The following GALNT17 variants were observed in gnomAD, a reference collection of about 807,000 sequenced individuals.
GALNT17 encodes the protein polypeptide N-acetylgalactosaminyltransferase 17.
Under a neutral mutation model 63.7 loss-of-function variants are expected in GALNT17, and 29 were observed. The observed-to-expected ratio is 0.46, with a 90% CI of 0.34 to 0.62. The LOEUF (loss-of-function observed/expected upper bound fraction) is 0.62, where lower values mean the gene tolerates loss of function less well. Ranked by LOEUF, GALNT17 falls within the 20% of genes least tolerant of loss-of-function variation. GALNT17 has a pLI of 0.01. For missense variants in GALNT17, 603 were observed against 799.6 expected, an observed-to-expected ratio of 0.75 and a Z score of 2.97; for synonymous variants, 305 against 318.3, an observed-to-expected ratio of 0.96 and a Z score of 0.45.
intron 1 of GALNT17, among the ~76,000 whole-genome samples, chr7:71,297,325 C>T (rs1791100388): frequency 1.3e-5 from 2 of 152,120 alleles, no homozygotes; most frequent in African/African-American, 4.8e-5. Context: ...GGTGGATCAC[C>T]TGAGGTCTAG....
chr7:71,486,081 A>G (rs1420828462), intron 5 of GALNT17, among the ~76,000 whole-genome samples: 1 of 152,050 alleles, frequency 6.6e-6, no homozygotes, highest in African/African-American at 2.4e-5. Flanking sequence ...TAATCCCAGC[A>G]CTTTGGGAGA....
chr7:71,224,159 A>G (rs1163904926), intron 1 of GALNT17, among the ~76,000 whole-genome samples: 1 of 152,004 alleles, frequency 6.6e-6, no homozygotes. Flanking sequence ...GGTTCAAGTG[A>G]TTCTCCTGCC....
At chr7:71,664,035 G>GTTT in intron 6 of GALNT17, among the ~76,000 whole-genome samples, 1 of 142,556 alleles carries the variant, frequency 7.0e-6, no homozygotes, top group African/African-American at 2.6e-5. Context: ...TTACAATAAG[G>GTTT]TTTTTTTTTT....
At chr7:71,570,515 C>G (rs1737589000) in intron 5 of GALNT17, among the ~76,000 whole-genome samples, 1 of 152,074 alleles carries the variant, frequency 6.6e-6, no homozygotes, top group Non-Finnish European at 1.5e-5. Flanking sequence ...TGCTTCTCAC[C>G]TCCAAGCTTC....
At chr7:71,203,112 A>T (rs1789206156) in intron 1 of GALNT17, among the ~76,000 whole-genome samples, 1 of 152,140 alleles carries the variant, frequency 6.6e-6, no homozygotes, top group Non-Finnish European at 1.5e-5. Flanking sequence ...TGAACATGAG[A>T]GTGCTGATAT....
At chr7:71,651,140 T>C (rs1299393202) in intron 6 of GALNT17, among the ~76,000 whole-genome samples, 1 of 137,910 alleles carries the variant, frequency 7.3e-6, no homozygotes, top group African/African-American at 2.8e-5. Context: ...AGGACAGAAA[T>C]AGAGTGAGAG....
chr7:71,692,887 C>T (rs1011821107), intron 9 of GALNT17, among the ~76,000 whole-genome samples: 25 of 151,528 alleles, frequency 1.6e-4, no homozygotes, highest in South Asian at 6.3e-4. Flanking sequence ...TACAGGTGCC[C>T]GCCACCACAC....
intron 1 of GALNT17, among the ~76,000 whole-genome samples, chr7:71,301,837 G>A (rs1583843239): frequency 6.6e-6 from 1 of 152,328 alleles, no homozygotes; most frequent in South Asian, 2.1e-4. Context: ...GAATTTCACT[G>A]TCTTTTGAAT....
At chr7:71,475,593 C>T (rs1186217134) in intron 5 of GALNT17, among the ~76,000 whole-genome samples, 1 of 152,118 alleles carries the variant, frequency 6.6e-6, no homozygotes, top group Admixed American at 6.5e-5. Flanking sequence ...GCTGGCTCGC[C>T]CACCACTCAC....
intron 5 of GALNT17, among the ~76,000 whole-genome samples, chr7:71,458,262 A>G (rs752208665): frequency 2.6e-5 from 4 of 152,288 alleles, no homozygotes; most frequent in South Asian, 2.1e-4. Context: ...TGCATTAACA[A>G]CTACATCGAA....
intron 2 of GALNT17, among the ~76,000 whole-genome samples, chr7:71,347,376 T>A (rs907409131): frequency 6.6e-6 from 1 of 152,174 alleles, no homozygotes; most frequent in African/African-American, 2.4e-5. Context: ...ATATCTACTT[T>A]ATAGAATTGC....
intron 1 of GALNT17, among the ~76,000 whole-genome samples, chr7:71,184,335 C>T (rs1465734871): frequency 6.6e-6 from 1 of 152,142 alleles, no homozygotes; most frequent in Non-Finnish European, 1.5e-5. Context: ...ATGGAGTAAC[C>T]TAAATACTCC....
At chr7:71,199,009 C>G (rs1022617923) in intron 1 of GALNT17, among the ~76,000 whole-genome samples, 8 of 152,128 alleles carry the variant, frequency 5.3e-5, no homozygotes, top group African/African-American at 1.9e-4. Context: ...GTTCCCAGTT[C>G]ATGTTGATAC....
rs113851150 is a variant in GALNT17 at position 71,448,357 on chromosome 7, ATGTGTG to A, written c.962+27269_962+27274del. ...TTGTTGATATCCTTACTTCGTGTGT[ATGTGTG>A]TGTGTGTGTGTGTGTGGTCTCTATT... On this transcript the variant is annotated intron_variant, in intron 5 of 10. Transcript: ENST00000333538. Among the ~76,000 whole-genome samples, 136 of 147,686 alleles carry A rather than the reference ATGTGTG, an allele frequency of 9.2e-4. 1 individual carries two copies. Among genetic ancestry groups the A allele is most frequent in the South Asian group, 4.3e-4 (2 of 4,636 alleles).
intron 1 of GALNT17, among the ~76,000 whole-genome samples, chr7:71,327,277 C>A (rs1791721212): frequency 6.6e-6 from 1 of 152,152 alleles, no homozygotes; most frequent in African/African-American, 2.4e-5. Context: ...ATAATGGACT[C>A]ACAGTTTCAC....
intron 5 of GALNT17, among the ~76,000 whole-genome samples, chr7:71,476,896 G>A (rs1787731901): frequency 6.6e-6 from 1 of 152,116 alleles, no homozygotes; most frequent in Non-Finnish European, 1.5e-5. Flanking sequence ...GATTTTCAAA[G>A]GACATCTTTC....
intron 6 of GALNT17, among the ~76,000 whole-genome samples, chr7:71,598,503 T>G (rs1562705361): frequency 6.6e-6 from 1 of 152,224 alleles, no homozygotes; most frequent in Non-Finnish European, 1.5e-5. Context: ...TTAGTGGTAG[T>G]TTTTTGTTTC....
Position 71,502,383 on chromosome 7 carries a change from G to A in GALNT17, c.963-68902G>A, listed in dbSNP as rs1788194769. On this transcript the variant is annotated intron_variant, in intron 5 of 10. Coordinates refer to ENST00000333538, the MANE Select transcript of GALNT17 (RefSeq NM_022479.3). The stretch of plus-strand genomic sequence containing the variant: ...TTTGTTATCTCAGCCAATGGAATAT[G>A]GTGGAATGAGGTGGTTGCTGCCTGA... Among the ~76,000 whole-genome samples the A allele has an allele frequency of 2.6e-5, 4 of 152,178 alleles. No individual in the cohort carries two copies. The South Asian group carries it at 8.3e-4, about 32-fold the overall frequency.
chr7:71,566,913 A>G (rs1033222116), intron 5 of GALNT17, among the ~76,000 whole-genome samples: 2 of 151,976 alleles, frequency 1.3e-5, no homozygotes, highest in African/African-American at 2.4e-5. Context: ...TCCATTGTAC[A>G]TCTGCCTCCT....
Sources: gnomAD v4.1 joint callset for allele counts (sites outside exome capture counted in the v4.1 genomes callset) on GRCh38, gnomAD v4.1.1 for gene constraint, MANE v1.5 for transcripts, NCBI Gene and HGNC (gene_info 2026-07-23, HGNC 2026-07-21) for gene names.